The following DNAJC13 variants were observed in gnomAD, a reference collection of about 807,000 sequenced individuals.
DNAJC13 encodes the protein dnaJ homolog subfamily C member 13.
DNAJC13 carries 75 observed loss-of-function variants against 290.5 expected under a neutral mutation model. The observed-to-expected ratio is 0.26, with a 90% CI of 0.21 to 0.31. The LOEUF is 0.31. DNAJC13 is among the 10% of genes least tolerant of loss of function. The pLI is 1.00. For synonymous variants in DNAJC13, 862 were observed against 892.0 expected (o/e 0.97, Z 0.60); for missense variants, 2,260 against 2,674.5 (o/e 0.85, Z 3.42).
chr3:132,493,684 A>G (rs559902617), intron 33 of DNAJC13, among the ~76,000 whole-genome samples: 26 of 152,176 alleles, frequency 1.7e-4, no homozygotes, highest in South Asian at 4.2e-4. Flanking sequence ...GAATGCTAGC[A>G]TACCCATAAT....
rs1167711980 is a variant in DNAJC13, at chr3:132,492,435, T to C, written c.3645T>C (p.Ile1215=). 6.2e-7 allele frequency: 1 copy of C among 1,613,894 alleles called. No individual in the cohort carries two copies. ...SEMRRLMIEK[I]AAHLADFTPR... is the part of the protein sequence containing the mutation. ...GTAGGCGCCTGATGATAGAGAAGAT[T>C]GCTGCCCATCTCGCGGATTTCACAC... Residue 1215 remains isoleucine, a synonymous_variant, in exon 33 of 56, where the codon ATT becomes ATC. Coordinates refer to ENST00000260818, the MANE Select transcript of DNAJC13 (RefSeq NM_015268.4).
chr3:132,467,627 G>A (rs1225823186), intron 20 of DNAJC13, among the ~76,000 whole-genome samples: 2 of 151,842 alleles, frequency 1.3e-5, no homozygotes, highest in African/African-American at 2.4e-5. Flanking sequence ...CACCACGCCC[G>A]GCTAATTTTT....
Position 132,474,959 on chromosome 3 carries a change from C to T in DNAJC13, c.2319C>T (p.Asn773=). 1 of 1,607,126 alleles carries T rather than the reference C, an allele frequency of 6.2e-7. No homozygotes were observed. The part of the protein sequence containing the change: ...YRFGQDHARS[N]LIWNFKTREE... ...TTGGTCAAGACCATGCCAGGTCAAA[C>T]CTTATTTGGAATTTCAAAACACGAG... Residue 773 remains asparagine, a synonymous_variant, in exon 22 of 56, where the codon AAC becomes AAT. Coordinates refer to ENST00000260818, the MANE Select transcript of DNAJC13 (RefSeq NM_015268.4).
intron 2 of DNAJC13, among the ~76,000 whole-genome samples, chr3:132,439,094 G>T (rs1259744983): frequency 3.3e-5 from 5 of 152,172 alleles, no homozygotes; most frequent in Non-Finnish European, 5.9e-5. Context: ...AAATCTACCT[G>T]TGGATCACCT....
chr3:132,478,222 T>C, intron 24 of DNAJC13, 82 bp downstream of exon 24: 1 of 1,241,976 alleles, frequency 8.1e-7, no homozygotes, highest in South Asian at 1.6e-5. Context: ...ATTTAAATTC[T>C]GTTTGATCAC....
chr3:132,525,280 T>C (rs1186476707), intron 51 of DNAJC13, among the ~76,000 whole-genome samples: 1 of 152,026 alleles, frequency 6.6e-6, no homozygotes, highest in Non-Finnish European at 1.5e-5. Context: ...GCAGAGGTTG[T>C]GGTGAGCCGA....
Position 132,453,517 on chromosome 3 carries a change from T to G in DNAJC13, c.744+13T>G. On this transcript the variant is annotated intron_variant, in intron 7 of 55. Coordinates refer to ENST00000260818, the MANE Select transcript of DNAJC13 (RefSeq NM_015268.4). ...ACCTAGACATTCGGTAAGACCCATA[T>G]GTTAAAAATGAAAATTTGTTCACCT... 6.2e-7 allele frequency: 1 copy of G among 1,611,266 alleles called. No individual in the cohort carries two copies.
intron 39 of DNAJC13, 97 bp downstream of exon 39, chr3:132,501,010 G>GTTATTTGTAAGTAAAA (rs1230457351): frequency 7.1e-7 from 1 of 1,400,312 alleles, no homozygotes; most frequent in African/African-American, 1.4e-5. Context: ...TTTTCCCAAA[G>GTTATTTGTAAGTAAAA]TTATTTGTAA....
intron 2 of DNAJC13, among the ~76,000 whole-genome samples, chr3:132,437,839 A>G (rs988957574): frequency 1.3e-5 from 2 of 151,774 alleles, no homozygotes; most frequent in Non-Finnish European, 2.9e-5. Context: ...ATTTTTTTTT[A>G]AAAGACAGCT....
chr3:132,512,670 G>T (rs1935812455), intron 44 of DNAJC13, among the ~76,000 whole-genome samples: 1 of 152,182 alleles, frequency 6.6e-6, no homozygotes. Context: ...GTTGAGGGGG[G>T]TAACCCTAAG....
chr3:132,460,268 G>C lies in DNAJC13; in HGVS notation c.1468G>C (p.Asp490His). 1.3e-6 allele frequency: 2 copies of C among 1,598,978 alleles called. No homozygotes were observed. The highest frequency in any genetic ancestry group is 2.2e-5 in the South Asian group (2 of 89,882). Residue 490 changes from aspartate (D) to histidine (H), a missense_variant, in exon 14 of 56, where the codon GAC (aspartate) becomes CAC (histidine). Asp to His is a moderately conservative substitution (Grantham distance 81, BLOSUM62 -1). This residue lies in a region of DNAJC13 where 762 missense variants were observed against 964.1 expected (regional missense o/e 0.79). Transcript: ENST00000260818. ...TCAATAGCCCATGCATGATGACTAT[G>C]ACTTAAGACAAGAACAGTTGAACAA... ...ALMCPMHDDY[D>H]LRQEQLNKAS...
chr3:132,499,447 T>G (rs1304193272), intron 37 of DNAJC13, 137 bp downstream of exon 37: 1 of 822,164 alleles, frequency 1.2e-6, no homozygotes, highest in African/African-American at 1.7e-5. Context: ...TCCATATTCT[T>G]ATACCAAATT....
intron 29 of DNAJC13, among the ~76,000 whole-genome samples, chr3:132,486,136 C>T (rs1173504438): frequency 1.2e-5 from 1 of 80,032 alleles, no homozygotes; most frequent in Admixed American, 1.7e-4. Context: ...TAAGCATACT[C>T]ACATTTTAAC....
chr3:132,459,971 A>G (rs191657148), intron 13 of DNAJC13, among the ~76,000 whole-genome samples: 3 of 152,282 alleles, frequency 2.0e-5, no homozygotes, highest in African/African-American at 4.8e-5. Flanking sequence ...TGGGTGGGCA[A>G]ATGTTTGCCT....
intron 14 of DNAJC13, among the ~76,000 whole-genome samples, chr3:132,460,754 G>A (rs940204036): frequency 6.6e-6 from 1 of 152,054 alleles, no homozygotes; most frequent in Non-Finnish European, 1.5e-5. Flanking sequence ...TGCAAATATT[G>A]TCAAATATTA....
At chr3:132,522,313 AGCT>A (rs1426739071) in intron 48 of DNAJC13, among the ~76,000 whole-genome samples, 1 of 152,226 alleles carries the variant, frequency 6.6e-6, no homozygotes, top group Admixed American at 6.5e-5. Context: ...ATTTTTTAAA[AGCT>A]GCTTTTTAAA....
At chr3:132,486,467 T>A (rs1450940632) in intron 29 of DNAJC13, among the ~76,000 whole-genome samples, 2 of 152,034 alleles carry the variant, frequency 1.3e-5, no homozygotes, top group Non-Finnish European at 2.9e-5. Flanking sequence ...GTGCTCAGCA[T>A]AACATGAAGC....
In DNAJC13 at chr3:132,491,090, T is replaced by A. The variant is rs767116330; in HGVS notation, c.3623+39T>A. ...TGACTGATTGATTTGTATTTTATAATTAAGTCTTTGCTGCTCGCCATCTGC... is the reference window on the plus strand; with the variant it reads ...TGACTGATTGATTTGTATTTTATAAATAAGTCTTTGCTGCTCGCCATCTGC... On this transcript the variant is annotated intron_variant, in intron 32 of 55. Coordinates refer to ENST00000260818, the MANE Select transcript of DNAJC13 (RefSeq NM_015268.4). 5.2e-5 allele frequency: 79 copies of A among 1,523,690 alleles called. No homozygotes were observed. The South Asian group carries it at 1.0e-3, about 19-fold the overall frequency. 94.4% of individuals were successfully genotyped at this position (1,523,690 alleles called of 1,614,324 possible).
Position 132,502,392 on chromosome 3 carries a change from T to C in DNAJC13, c.4640T>C (p.Leu1547Pro). ...HLFQAGILWY[L>P]LGFLFNYDYT... ...TTTCAGGCTGGAATTTTGTGGTATCTCCTTGGTTTTCTGTTTAATTATGAC... is the reference window on the plus strand; with the variant it reads ...TTTCAGGCTGGAATTTTGTGGTATCCCCTTGGTTTTCTGTTTAATTATGAC... The change falls in exon 40 of 56, where the codon CTC becomes CCC. Residue 1547 changes from leucine (L) to proline (P), a missense_variant. Physicochemically the swap from Leu to Pro is moderately conservative, Grantham distance 98. This residue lies in a region of DNAJC13 where 1,494 missense variants were observed against 1,693.7 expected (regional missense o/e 0.88). Transcript: ENST00000260818. 7 of 1,614,118 alleles carry C rather than the reference T, an allele frequency of 4.3e-6. No individual in the cohort carries two copies. Among genetic ancestry groups the C allele is most frequent in the Non-Finnish European group, 5.9e-6 (7 of 1,179,976 alleles).
Sources: allele counts gnomAD v4.1 joint callset (sites outside exome capture counted in the v4.1 genomes callset), GRCh38; gene constraint gnomAD v4.1.1; regional missense constraint gnomAD v4.1.1; transcripts MANE v1.5; gene names NCBI Gene and HGNC (gene_info 2026-07-23, HGNC 2026-07-21).